SH3D19: variants seen among roughly 807,000 people sequenced by gnomAD.
SH3D19 encodes SH3 domain-containing protein 19.
Under a neutral mutation model 112.1 loss-of-function variants are expected in SH3D19, and 58 were observed. That is an observed-to-expected ratio of 0.52 (90% CI 0.42 to 0.64). The LOEUF (loss-of-function observed/expected upper bound fraction) is 0.64, where lower values mean the gene tolerates loss of function less well. SH3D19 is among the 30% of genes least tolerant of loss of function. The probability of loss-of-function intolerance (pLI) is 0.00; values close to 1 mark genes in which losing one functional copy is unlikely to be tolerated. For missense variants in SH3D19, 1,090 were observed against 1,263.4 expected, an observed-to-expected ratio of 0.86 and a Z score of 2.08; for synonymous variants, 391 against 448.5, an observed-to-expected ratio of 0.87 and a Z score of 1.62.
At chr4:151,250,881 T>TA (rs1771324872) in intron 1 of SH3D19, among the ~76,000 whole-genome samples, 1 of 152,170 alleles carries the variant, frequency 6.6e-6, no homozygotes, top group Non-Finnish European at 1.5e-5. Context: ...TTTGGCTGGA[T>TA]ACGTCGTTAG....
chr4:151,216,935 T>TA (rs1224953071), intron 2 of SH3D19, among the ~76,000 whole-genome samples: 1 of 147,664 alleles, frequency 6.8e-6, no homozygotes, highest in Non-Finnish European at 1.5e-5. Context: ...GTATTCTCTG[T>TA]AGGATGACAA....
Position 151,254,843 on chromosome 4 carries a change from T to G in SH3D19, c.113-28757A>C, listed in dbSNP as rs988062874. 3.4e-4 allele frequency among the ~76,000 whole-genome samples: 51 copies of G among 151,860 alleles called. 1 individual carries two copies. The highest frequency in any genetic ancestry group is 1.1e-3 in the African/African-American group (47 of 41,458). ...TTCTCAATGAGCTGTTGGGCACACC[T>G]CCCAGACGGGGTGGTGGCCGGGCAG... is the stretch of plus-strand genomic sequence containing the variant. On this transcript the variant is annotated intron_variant, in intron 1 of 19. Coordinates refer to ENST00000604030, the MANE Select transcript of SH3D19 (RefSeq NM_001378122.1).
intron 1 of SH3D19, among the ~76,000 whole-genome samples, chr4:151,303,414 G>A (rs1728643120): frequency 2.6e-5 from 4 of 152,122 alleles, no homozygotes; most frequent in African/African-American, 9.7e-5. Flanking sequence ...GGAAAAATAG[G>A]TTTTTAAAAA....
chr4:151,139,516 TG>T (rs1752596284), intron 13 of SH3D19, among the ~76,000 whole-genome samples: 3 of 152,220 alleles, frequency 2.0e-5, no homozygotes, highest in African/African-American at 7.2e-5. Context: ...AATGTTCATT[TG>T]TAAGGGAAAG....
At chr4:151,259,904 C>T (rs145543895) in intron 1 of SH3D19, among the ~76,000 whole-genome samples, 156 of 152,198 alleles carry the variant, frequency 1.0e-3, no homozygotes, top group African/African-American at 3.7e-3. Context: ...AAGCCTCTAC[C>T]CAGGAGACAT....
chr4:151,124,572 G>A (rs1441724128), intron 19 of SH3D19, among the ~76,000 whole-genome samples: 2 of 152,114 alleles, frequency 1.3e-5, no homozygotes, highest in South Asian at 4.2e-4. Context: ...CAAAAAATTA[G>A]CTGGGCATGG....
intron 19 of SH3D19, among the ~76,000 whole-genome samples, chr4:151,122,538 C>CACACAG: frequency 6.6e-6 from 1 of 151,378 alleles, no homozygotes; most frequent in Non-Finnish European, 1.5e-5. Flanking sequence ...CACACACACA[C>CACACAG]GATTATTTAT....
chr4:151,281,902 G>T lies in SH3D19; in HGVS notation c.112+43339C>A, dbSNP rs571217990. On this transcript the variant is annotated intron_variant, in intron 1 of 19. Coordinates refer to ENST00000604030, the MANE Select transcript of SH3D19 (RefSeq NM_001378122.1). ...GAGAGGTAAATGAGAGAACCGGAGAGAAAACACAGGGCAAAACTCAAGCCA... is the reference window on the plus strand; with the variant it reads ...GAGAGGTAAATGAGAGAACCGGAGATAAAACACAGGGCAAAACTCAAGCCA... 1.1e-4 allele frequency among the ~76,000 whole-genome samples: 16 copies of T among 152,110 alleles called. No homozygotes were observed. The South Asian group carries it at 3.4e-3, about 32-fold the overall frequency.
At chr4:151,220,963 C>T (rs934926390) in intron 2 of SH3D19, among the ~76,000 whole-genome samples, 1 of 152,154 alleles carries the variant, frequency 6.6e-6, no homozygotes, top group Non-Finnish European at 1.5e-5. Flanking sequence ...AAGAACAACG[C>T]AGATATTTCT....
chr4:151,123,384 A>G (rs1258599557), intron 19 of SH3D19, among the ~76,000 whole-genome samples: 1 of 152,126 alleles, frequency 6.6e-6, no homozygotes, highest in Non-Finnish European at 1.5e-5. Context: ...CACCCAGAGC[A>G]TTTTGCACTC....
chr4:151,227,779 AAAAC>A (rs1769235490), intron 1 of SH3D19: 2 of 985,384 alleles, frequency 2.0e-6, no homozygotes, highest in African/African-American at 3.5e-5. Context: ...AAGCCGAGCT[AAAAC>A]TCTGTCCAGA....
At chr4:151,252,034 T>C (rs11099798) in intron 1 of SH3D19, among the ~76,000 whole-genome samples, 49,888 of 152,086 alleles carry the variant, frequency 0.33, 9,512 homozygotes, top group Non-Finnish European at 0.44. Flanking sequence ...ATTGCCTTTG[T>C]TCCTGTGTAG....
intron 1 of SH3D19, among the ~76,000 whole-genome samples, chr4:151,295,362 G>T (rs1472689050): frequency 6.6e-6 from 1 of 152,220 alleles, no homozygotes; most frequent in Admixed American, 6.5e-5. Context: ...GTAGAGCTGA[G>T]TGAAACAAGG....
At chr4:151,245,605 T>TTTTG (rs1011125522) in intron 1 of SH3D19, among the ~76,000 whole-genome samples, 3 of 152,146 alleles carry the variant, frequency 2.0e-5, no homozygotes, top group South Asian at 2.1e-4. Context: ...CTTCTGAGTC[T>TTTTG]TTTGTTTGTT....
chr4:151,211,049 C>G (rs1485972494), intron 2 of SH3D19, among the ~76,000 whole-genome samples: 1 of 151,978 alleles, frequency 6.6e-6, no homozygotes, highest in Non-Finnish European at 1.5e-5. Context: ...ACTATCTCTA[C>G]TAAAAATACA....
At chr4:151,222,655 G>GTC (rs34787298) in intron 2 of SH3D19, among the ~76,000 whole-genome samples, 52,674 of 92,116 alleles carry the variant, frequency 0.57, 18,220 homozygotes, top group Non-Finnish European at 0.74. Context: ...TATCTCTTTG[G>GTC]TCTCTCTCTC....
chr4:151,320,685 A>G (rs1263754855), intron 1 of SH3D19, among the ~76,000 whole-genome samples: 2 of 152,216 alleles, frequency 1.3e-5, no homozygotes, highest in African/African-American at 4.8e-5. Flanking sequence ...ACTCCAATAA[A>G]TCAATAAAAA....
Position 151,164,535 on chromosome 4 carries a change from G to A in SH3D19, c.1642+1054C>T, listed in dbSNP as rs539361536. Among the ~76,000 whole-genome samples the A allele has an allele frequency of 4.0e-5, 6 of 151,204 alleles. No homozygotes were observed. In the East Asian group the frequency reaches 1.2e-3, roughly 29 times the overall value. ...GTTATACTATTAAAAAATCAAGTAAGGAAAAAATCAAGTAAGGAAGTAAAC... is the reference window on the plus strand; with the variant it reads ...GTTATACTATTAAAAAATCAAGTAAAGAAAAAATCAAGTAAGGAAGTAAAC... On this transcript the variant is annotated intron_variant, in intron 8 of 19. Coordinates refer to ENST00000604030, the MANE Select transcript of SH3D19 (RefSeq NM_001378122.1).
intron 1 of SH3D19, among the ~76,000 whole-genome samples, chr4:151,293,313 A>G (rs941883645): frequency 1.3e-5 from 2 of 151,400 alleles, no homozygotes; most frequent in African/African-American, 4.9e-5. Flanking sequence ...TACTAAAAAT[A>G]CAAAAAAAAA....
Sources: allele counts gnomAD v4.1 joint callset (sites outside exome capture counted in the v4.1 genomes callset), GRCh38; gene constraint gnomAD v4.1.1; transcripts MANE v1.5; gene names NCBI Gene and HGNC (gene_info 2026-07-23, HGNC 2026-07-21).